DNAH5: variants seen among roughly 807,000 people sequenced by gnomAD.
DNAH5 encodes axonemal beta dynein heavy chain 5.
A neutral mutation model predicts 518.2 loss-of-function variants in DNAH5; 372 were observed. That is an observed-to-expected ratio of 0.72 (90% CI 0.66 to 0.78). The LOEUF (loss-of-function observed/expected upper bound fraction) is 0.78. Among genes scored for constraint, DNAH5 ranks in the 30% least tolerant of loss-of-function variants. The pLI, the probability that DNAH5 is intolerant of heterozygous loss-of-function variation, is 0.00. For missense variants in DNAH5, 5,523 were observed against 5,687.0 expected (o/e 0.97, Z 0.93); for synonymous variants, 2,039 against 2,025.9 (o/e 1.01, Z -0.17).
chr5:13,805,720 CACTT>C (rs1393826667), intron 47 of DNAH5, among the ~76,000 whole-genome samples: 1 of 152,154 alleles, frequency 6.6e-6, no homozygotes, highest in Non-Finnish European at 1.5e-5. Flanking sequence ...TTTTGACTGA[CACTT>C]ACTTGTATCT....
intron 1 of DNAH5, among the ~76,000 whole-genome samples, chr5:13,989,754 A>T (rs1783379748): frequency 6.6e-6 from 1 of 152,138 alleles, no homozygotes. Context: ...AAGTGCTCGG[A>T]TTACAGTCAT....
Position 13,780,889 on chromosome 5 carries a change from C to G in DNAH5, c.8891G>C (p.Ser2964Thr), listed in dbSNP as rs370411490. 1.9e-6 allele frequency: 3 copies of G among 1,613,704 alleles called. No homozygotes were observed. The highest frequency in any genetic ancestry group is 2.5e-6 in the Non-Finnish European group (3 of 1,179,836). Residue 2964 changes from serine (S) to threonine (T), a missense_variant, in exon 53 of 79, where the codon AGC becomes ACC. By Grantham distance (58) the Ser-to-Thr change is moderately conservative. Transcript: ENST00000265104. ...AATGAATGAAGCCAACCTCGTCAGG[C>G]TCTGCTTTCCTGATCCGCCCACCCC... is the stretch of plus-strand genomic sequence containing the variant. ...LVGVGGSGKQ[S>T]LTRLASFIAG...
At position 13,871,781 on chromosome 5, in the gene DNAH5, A is replaced by G. The variant is rs570784395; in HGVS notation, c.3397-16T>C. 1.1e-5 allele frequency: 17 copies of G among 1,607,086 alleles called. No individual in the cohort carries two copies. The African/African-American group carries it at 2.3e-4, about 21-fold the overall frequency. On this transcript the variant is annotated splice_polypyrimidine_tract_variant and intron_variant, in intron 22 of 78. Transcript: ENST00000265104. ...TAATAACTTCCTGAATGCAAATAAC[A>G]GATTTATGTTAAGAAGGAAGAATCT...
chr5:13,978,456 G>A (rs996324592), intron 1 of DNAH5, among the ~76,000 whole-genome samples: 20 of 152,296 alleles, frequency 1.3e-4, no homozygotes, highest in African/African-American at 4.3e-4. Context: ...GACTCAGGCT[G>A]CAACATCTGC....
At chr5:13,836,363 G>A (rs1764399891) in intron 35 of DNAH5, among the ~76,000 whole-genome samples, 1 of 152,194 alleles carries the variant, frequency 6.6e-6, no homozygotes, top group South Asian at 2.1e-4. Context: ...TAAAGAATGA[G>A]TAGAGGTGGA....
At position 13,882,888 on chromosome 5, in the gene DNAH5, T is replaced by C; in HGVS notation, c.3174+16A>G. ...AGTGGTTTCCATATGAAACCATTTC[T>C]GCACCCCATACCCACCTTGGACAAC... On this transcript the variant is annotated intron_variant, in intron 20 of 78. Coordinates refer to ENST00000265104, the MANE Select transcript of DNAH5 (RefSeq NM_001369.3). The C allele has an allele frequency of 1.1e-5, 17 of 1,614,204 alleles. No individual in the cohort carries two copies. Among genetic ancestry groups the C allele is most frequent in the Non-Finnish European group, 1.4e-5 (16 of 1,180,012 alleles).
At chr5:13,954,604 C>T (rs1387062233) in intron 1 of DNAH5, among the ~76,000 whole-genome samples, 7 of 152,270 alleles carry the variant, frequency 4.6e-5, no homozygotes, top group South Asian at 2.1e-4. Context: ...AGAGGTGTTC[C>T]GAAAGTGAGC....
intron 1 of DNAH5, among the ~76,000 whole-genome samples, chr5:13,996,323 G>A (rs1034609176): frequency 7.2e-5 from 11 of 152,040 alleles, no homozygotes; most frequent in South Asian, 2.1e-4. Flanking sequence ...CCCCGACCCC[G>A]AATTCATGTC....
At chr5:13,757,329 A>G (rs1044439394) in intron 61 of DNAH5, among the ~76,000 whole-genome samples, 1 of 152,238 alleles carries the variant, frequency 6.6e-6, no homozygotes, top group Non-Finnish European at 1.5e-5. Flanking sequence ...CCAGCAGTGT[A>G]TAAGCATTCT....
intron 46 of DNAH5, 62 bp downstream of exon 46, chr5:13,808,982 T>C (rs911032199): frequency 6.3e-7 from 1 of 1,582,634 alleles, no homozygotes; most frequent in Non-Finnish European, 8.7e-7. Context: ...AATAAATAAA[T>C]GCAGGATGCT....
chr5:13,769,643 G>T (rs1448395509), intron 56 of DNAH5, 28 bp from the exon 57 acceptor site: 1 of 1,567,436 alleles, frequency 6.4e-7, no homozygotes, highest in East Asian at 2.2e-5. Context: ...AGCAAGCAAT[G>T]TTAAAATGTG....
In DNAH5 at chr5:13,839,394, G is replaced by A. The variant is rs2151857081; in HGVS notation, c.5844C>T (p.Gly1948=). The A allele has an allele frequency of 6.2e-7, 1 of 1,614,096 alleles. No individual in the cohort carries two copies. The highest frequency in any genetic ancestry group is 8.5e-7 in the Non-Finnish European group (1 of 1,179,964). Residue 1948 remains glycine (G), a synonymous_variant, in exon 35 of 79, where the codon GGC becomes GGT. Coordinates refer to ENST00000265104, the MANE Select transcript of DNAH5 (RefSeq NM_001369.3). ...GAGTTATTACAAGCCTGTCAGTGCA[G>A]CCTAAAAATTCATTCTGGTATATGA... The part of the protein sequence containing the change: ...VAFIYQNEFL[G]CTDRLVITPL...
At position 13,736,374 on chromosome 5, in the gene DNAH5, A is replaced by G. The variant is rs148391893; in HGVS notation, c.11456-442T>C. On this transcript the variant is annotated intron_variant, in intron 66 of 78. Transcript: ENST00000265104. ...CAAAGATGATGCTTCTGCCTCTCTA[A>G]CAATAAACGACACTTTAATTATTAT... Among the ~76,000 whole-genome samples the G allele has an allele frequency of 2.3e-3, 352 of 152,080 alleles. 3 individuals carry two copies. Among genetic ancestry groups the G allele is most frequent in the African/African-American group, 8.4e-3 (348 of 41,474 alleles).
intron 1 of DNAH5, among the ~76,000 whole-genome samples, chr5:13,938,926 T>C (rs1486683226): frequency 2.6e-5 from 4 of 152,182 alleles, no homozygotes; most frequent in South Asian, 4.1e-4. Flanking sequence ...AAGAAAATTA[T>C]TCAACGTGTA....
chr5:14,002,469 C>T (rs987248058), intron 1 of DNAH5, among the ~76,000 whole-genome samples: 3 of 151,464 alleles, frequency 2.0e-5, no homozygotes, highest in Non-Finnish European at 4.4e-5. Context: ...ATTCTAAAAC[C>T]GGATCAACTT....
upstream of DNAH5, among the ~76,000 whole-genome samples, chr5:13,945,663 T>G (rs1288991378): frequency 1.3e-5 from 2 of 152,092 alleles, no homozygotes; most frequent in Non-Finnish European, 2.9e-5. Flanking sequence ...TGGAGTGCAG[T>G]TGCGTGACCA....
chr5:13,718,965 G>C lies in DNAH5; in HGVS notation c.12416C>G (p.Pro4139Arg). Residue 4139 changes from proline to arginine, a missense_variant, in exon 72 of 79, where the codon CCC becomes CGC. This residue lies in a region of DNAH5 where 5,121 missense variants were observed against 5,223.3 expected (regional missense o/e 0.98). Coordinates refer to ENST00000265104, the MANE Select transcript of DNAH5 (RefSeq NM_001369.3). The stretch of plus-strand genomic sequence containing the variant: ...AATGGACATCTGAAGGAGTGTAATG[G>C]GAAACTGCTTATGAGCCTCGGTGGT... ...WMTTEAHKQFPITLLQMSIKF... is the reference protein window; with the variant it reads ...WMTTEAHKQFRITLLQMSIKF... 1 of 1,614,098 alleles carries C rather than the reference G, an allele frequency of 6.2e-7. No homozygotes were observed. Among genetic ancestry groups the C allele is most frequent in the Non-Finnish European group, 8.5e-7 (1 of 1,180,010 alleles).
rs1189946484 is a variant in DNAH5 at position 13,737,467 on chromosome 5, A to G, written c.11240T>C (p.Met3747Thr). Residue 3747 changes from methionine to threonine, a missense_variant, in exon 66 of 79, where the codon ATG (methionine) becomes ACG (threonine). By Grantham distance (81) the Met-to-Thr change is moderately conservative. This residue lies in a region of DNAH5 where 5,121 missense variants were observed against 5,223.3 expected (regional missense o/e 0.98). Transcript: ENST00000265104. ...QELEKERTHL[M>T]EDVTANKRRM... is the part of the protein sequence containing the mutation. ...TCTTTTGTTTGCAGTTACATCTTCC[A>G]TCAGATGAGTTCTTTCTTTCTCCAA... 1.2e-6 allele frequency: 2 copies of G among 1,613,924 alleles called. No homozygotes were observed.
At chr5:13,724,366 T>C (rs1745445527) in intron 70 of DNAH5, among the ~76,000 whole-genome samples, 1 of 152,224 alleles carries the variant, frequency 6.6e-6, no homozygotes, top group Non-Finnish European at 1.5e-5. Context: ...TCTGGAATGG[T>C]AATATTTACC....
Sources: gnomAD v4.1 joint callset for allele counts (sites outside exome capture counted in the v4.1 genomes callset) on GRCh38, gnomAD v4.1.1 for gene constraint, gnomAD v4.1.1 regional missense constraint, MANE v1.5 for transcripts, NCBI Gene and HGNC (gene_info 2026-07-23, HGNC 2026-07-21) for gene names.